Variants in ZNF488 observed in about 807,000 individuals in gnomAD.
ZNF488 encodes zinc finger protein 488.
ZNF488 carries 1 observed loss-of-function variant against 1.2 expected under a neutral mutation model. The ratio of observed to expected loss-of-function variants is 0.86; its 90% CI spans 0.30 to 4.07. ZNF488 has a LOEUF of 4.07. Among genes scored for constraint, ZNF488 ranks in the 30% most tolerant of loss-of-function variants. ZNF488 has a pLI of 0.18. For missense variants in ZNF488, 450 were observed against 437.9 expected, an observed-to-expected ratio of 1.03 and a Z score of -0.25; for synonymous variants, 185 against 190.1, an observed-to-expected ratio of 0.97 and a Z score of 0.22.
chr10:47,377,145 C>T lies in ZNF488; in HGVS notation c.-109+7075G>A, dbSNP rs368183894. Among the ~76,000 whole-genome samples the T allele has an allele frequency of 2.9e-4, 44 of 152,292 alleles. 2 individuals carry two copies. The East Asian group carries it at 3.9e-3, about 13-fold the overall frequency. On this transcript the variant is annotated intron_variant, in intron 1 of 1. Coordinates refer to ENST00000585316, the MANE Select transcript of ZNF488 (RefSeq NM_153034.4). Reference sequence around the variant, plus strand: ...AAGAGTGGGGTGGACTGCAGGGTCCCCCTTTGCCCCAGGTTTTTAAACCAG... The same window carrying T: ...AAGAGTGGGGTGGACTGCAGGGTCCTCCTTTGCCCCAGGTTTTTAAACCAG...
rs755777908 is a variant in ZNF488, at chr10:47,367,644, T to C, written c.*163A>G. On this transcript the variant is annotated 3_prime_UTR_variant, in exon 2 of 2. Coordinates refer to ENST00000585316, the MANE Select transcript of ZNF488 (RefSeq NM_153034.4). ...ACTTCATTTCCTTCAAAACACATCA[T>C]GCAGGTGTGGCTTTTTCAAATTATG... The C allele has an allele frequency of 9.1e-6, 7 of 772,550 alleles. No individual in the cohort carries two copies. In the Admixed American group the frequency reaches 1.8e-4, roughly 20 times the overall value. The allele number at this position is 772,550 out of a possible 1,614,324, so 47.9% of individuals were successfully genotyped here. A position where few individuals can be genotyped will look rare whatever the true frequency, so the allele number is the denominator to read the frequency against.
intron 1 of ZNF488, among the ~76,000 whole-genome samples, chr10:47,380,744 G>GA (rs1837912400): frequency 1.9e-4 from 4 of 21,070 alleles, no homozygotes; most frequent in Non-Finnish European, 2.5e-4. Context: ...TTAAGTGCAC[G>GA]GGCTCCACGG....
At chr10:47,383,593 T>C (rs184695276) in intron 1 of ZNF488, among the ~76,000 whole-genome samples, 15 of 152,368 alleles carry the variant, frequency 9.8e-5, no homozygotes, top group African/African-American at 3.6e-4. Flanking sequence ...TATGTTCTTT[T>C]AGCTCATTCT....
At chr10:47,380,343 A>G (rs1837883329) in intron 1 of ZNF488, among the ~76,000 whole-genome samples, 1 of 152,272 alleles carries the variant, frequency 6.6e-6, no homozygotes, top group Admixed American at 6.5e-5. Context: ...GGACTCACCC[A>G]CCACTTTCAG....
intron 1 of ZNF488, among the ~76,000 whole-genome samples, chr10:47,372,355 A>C (rs2132286924): frequency 6.6e-6 from 1 of 152,264 alleles, no homozygotes; most frequent in East Asian, 1.9e-4. Context: ...AAATGTGGGG[A>C]CAAAGAGCAA....
chr10:47,369,457 C>T (rs532036511), intron 1 of ZNF488, among the ~76,000 whole-genome samples: 110 of 152,262 alleles, frequency 7.2e-4, no homozygotes, highest in Admixed American at 1.9e-3. Context: ...GCATGAGGGT[C>T]GCAGTGTTGG....
chr10:47,369,389 C>T (rs1477262058), intron 1 of ZNF488, among the ~76,000 whole-genome samples: 3 of 152,200 alleles, frequency 2.0e-5, no homozygotes, highest in South Asian at 4.1e-4. Flanking sequence ...TCAGCCCCTG[C>T]TCCATGCTCG....
chr10:47,372,350 T>C (rs1555213943), intron 1 of ZNF488, among the ~76,000 whole-genome samples: 6 of 152,096 alleles, frequency 3.9e-5, no homozygotes. Flanking sequence ...ACCTGAAATG[T>C]GGGGACAAAG....
chr10:47,379,808 T>TTC (rs1837848647), intron 1 of ZNF488, among the ~76,000 whole-genome samples: 1 of 152,182 alleles, frequency 6.6e-6, no homozygotes, highest in African/African-American at 2.4e-5. Context: ...CCAACACCTC[T>TTC]CAGACAGCAC....
At chr10:47,382,428 G>A (rs1330988921) in intron 1 of ZNF488, among the ~76,000 whole-genome samples, 3 of 151,552 alleles carry the variant, frequency 2.0e-5, no homozygotes, top group African/African-American at 7.3e-5. Context: ...AAATATTTAA[G>A]TTTGTCTTTT....
At chr10:47,371,630 C>T (rs1201664718) in intron 1 of ZNF488, among the ~76,000 whole-genome samples, 1 of 152,008 alleles carries the variant, frequency 6.6e-6, no homozygotes, top group African/African-American at 2.4e-5. Context: ...TTTTGTTCTG[C>T]AGTCAACTGT....
At chr10:47,369,595 T>C (rs1368948120) in intron 1 of ZNF488, among the ~76,000 whole-genome samples, 1 of 152,204 alleles carries the variant, frequency 6.6e-6, no homozygotes, top group African/African-American at 2.4e-5. Context: ...CCACATCACA[T>C]GCCCTGTCAG....
rs1555213072 is a variant in ZNF488 at position 47,367,940 on chromosome 10, T to G, written c.890A>C (p.His297Pro). 1 of 1,614,004 alleles carries G rather than the reference T, an allele frequency of 6.2e-7. No homozygotes were observed. The highest frequency in any genetic ancestry group is 2.2e-5 in the East Asian group (1 of 44,860). Residue 297 changes from histidine (H) to proline (P), a missense_variant, in exon 2 of 2, where the codon CAC becomes CCC. His to Pro is a moderately conservative substitution (Grantham distance 77, BLOSUM62 -2). Coordinates refer to ENST00000585316, the MANE Select transcript of ZNF488 (RefSeq NM_153034.4). Reference sequence around the variant, plus strand: ...AGGCCCCGCATGCTCCTTTTTGTGGTGGGATCGCATGTGAAAGACCAGGTC... The same window carrying G: ...AGGCCCCGCATGCTCCTTTTTGTGGGGGGATCGCATGTGAAAGACCAGGTC... ...TSDLVFHMRS[H>P]HKKEHAGPDP...
At chr10:47,373,647 T>TA (rs1837563176) in intron 1 of ZNF488, among the ~76,000 whole-genome samples, 1 of 152,202 alleles carries the variant, frequency 6.6e-6, no homozygotes, top group Non-Finnish European at 1.5e-5. Flanking sequence ...GAACAAAATG[T>TA]ACGGCATGGA....
rs1446726573 is a variant in ZNF488 at position 47,367,647 on chromosome 10, AG to A, written c.*159del. 2.6e-6 allele frequency: 2 copies of A among 772,228 alleles called. No homozygotes were observed. Among genetic ancestry groups the A allele is most frequent in the Non-Finnish European group, 4.2e-6 (2 of 481,520 alleles). The allele number at this position is 772,228 out of a possible 1,614,324, so 47.8% of individuals were successfully genotyped here. A position where few individuals can be genotyped will look rare whatever the true frequency, so the allele number is the denominator to read the frequency against. ...TCATTTCCTTCAAAACACATCATGC[AG>A]GTGTGGCTTTTTCAAATTATGCCTG... On this transcript the variant is annotated 3_prime_UTR_variant, in exon 2 of 2. Transcript: ENST00000585316.
At chr10:47,375,242 G>T (rs564595456) in intron 1 of ZNF488, among the ~76,000 whole-genome samples, 1 of 152,296 alleles carries the variant, frequency 6.6e-6, no homozygotes, top group East Asian at 1.9e-4. Flanking sequence ...AGTCAAAGAA[G>T]TTATATTAAA....
At position 47,368,606 on chromosome 10, in the gene ZNF488, G is replaced by A. The variant is rs79141866; in HGVS notation, c.224C>T (p.Ala75Val). 1 of 1,610,428 alleles carries A rather than the reference G, an allele frequency of 6.2e-7. No homozygotes were observed. Among genetic ancestry groups the A allele is most frequent in the Non-Finnish European group, 8.5e-7 (1 of 1,179,862 alleles). ...AGRDVGSAEL[A>V]LLVAPGKPRP... ...GGGCTTGCCTGGGGCTACCAACAGT[G>A]CCAGCTCCGCACTGCCCACATCCCG... is the stretch of plus-strand genomic sequence containing the variant. Residue 75 changes from alanine to valine, a missense_variant, in exon 2 of 2, where the codon GCA becomes GTA. Physicochemically the swap from Ala to Val is moderately conservative, Grantham distance 64. Transcript: ENST00000585316.
chr10:47,367,991 C>T lies in ZNF488; in HGVS notation c.839G>A (p.Cys280Tyr). 1 of 1,614,122 alleles carries T rather than the reference C, an allele frequency of 6.2e-7. No homozygotes were observed. The highest frequency in any genetic ancestry group is 8.5e-7 in the Non-Finnish European group (1 of 1,180,034). ...GGACGTTAGGCGAAAGGACAGGTTG[C>T]ACTTTGCACACCAGTTCTGGGTGGA... ...GLSTQNWCAK[C>Y]NLSFRLTSDL... Residue 280 changes from cysteine to tyrosine, a missense_variant, in exon 2 of 2, where the codon TGC becomes TAC. Physicochemically the swap from Cys to Tyr is radical, Grantham distance 194. Transcript: ENST00000585316.
intron 1 of ZNF488, 136 bp from the exon 2 acceptor site, chr10:47,369,073 C>T: frequency 1.9e-6 from 1 of 525,250 alleles, no homozygotes; most frequent in Non-Finnish European, 3.3e-6. Flanking sequence ...CTGACTGCAC[C>T]ACCTCTCAGG....
Sources: allele counts gnomAD v4.1 joint callset (sites outside exome capture counted in the v4.1 genomes callset), GRCh38; gene constraint gnomAD v4.1.1; transcripts MANE v1.5; gene names NCBI Gene and HGNC (gene_info 2026-07-23, HGNC 2026-07-21).